The following IMPG1 variants were observed in gnomAD, a reference collection of about 807,000 sequenced individuals.
The protein encoded by IMPG1 is interphotoreceptor matrix proteoglycan 1, also known as interphotoreceptor matrix proteoglycan of 150 kDa.
In IMPG1, 85 loss-of-function variants were observed where a neutral mutation model predicts 92.0. The ratio of observed to expected loss-of-function variants is 0.92; its 90% CI spans 0.78 to 1.11. The LOEUF (loss-of-function observed/expected upper bound fraction) is 1.11. Among genes scored for constraint, IMPG1 ranks in the 50% least tolerant of loss-of-function variants. IMPG1 has a pLI of 0.00. For missense variants in IMPG1, 1,022 were observed against 956.0 expected (o/e 1.07, Z -0.91); for synonymous variants, 367 against 334.1 (o/e 1.10, Z -1.08).
At chr6:76,022,258 AT>A (rs1416256951) in intron 5 of IMPG1, 39 bp from the exon 6 acceptor site, 1 of 1,149,080 alleles carries the variant, frequency 8.7e-7, no homozygotes. Flanking sequence ...AAAAATGAGA[AT>A]GGAGGAGTTT....
intron 4 of IMPG1, among the ~76,000 whole-genome samples, chr6:76,026,627 C>G (rs1783541780): frequency 6.6e-6 from 1 of 152,230 alleles, no homozygotes; most frequent in Non-Finnish European, 1.5e-5. Context: ...GGGTTCAGCT[C>G]CATCGGACAG....
At chr6:76,027,129 A>G (rs1783555876) in intron 4 of IMPG1, among the ~76,000 whole-genome samples, 1 of 152,192 alleles carries the variant, frequency 6.6e-6, no homozygotes, top group Non-Finnish European at 1.5e-5. Flanking sequence ...ATGTGACTTT[A>G]CTCTTTAAGA....
At chr6:76,001,869 C>T (rs760667172) in intron 12 of IMPG1, among the ~76,000 whole-genome samples, 2 of 152,224 alleles carry the variant, frequency 1.3e-5, no homozygotes, top group African/African-American at 2.4e-5. Flanking sequence ...CATTTATTCA[C>T]TGATAATCAT....
chr6:76,016,133 T>C (rs1225547831), intron 7 of IMPG1, among the ~76,000 whole-genome samples: 1 of 152,250 alleles, frequency 6.6e-6, no homozygotes, highest in Non-Finnish European at 1.5e-5. Flanking sequence ...ATTATGTCTA[T>C]ACACAGCAGT....
chr6:75,987,441 C>T (rs929308730), intron 12 of IMPG1, among the ~76,000 whole-genome samples: 2 of 151,286 alleles, frequency 1.3e-5, no homozygotes, highest in Admixed American at 6.6e-5. Context: ...TCTACTAATG[C>T]TGTCCCTCCC....
At chr6:76,014,148 A>C (rs1223346229) in intron 7 of IMPG1, among the ~76,000 whole-genome samples, 1 of 152,218 alleles carries the variant, frequency 6.6e-6, no homozygotes, top group Non-Finnish European at 1.5e-5. Context: ...AACAATGACA[A>C]CTAATAAGTA....
At chr6:75,942,996 C>G (rs1036637839) in intron 14 of IMPG1, among the ~76,000 whole-genome samples, 1 of 152,030 alleles carries the variant, frequency 6.6e-6, no homozygotes, top group Admixed American at 6.5e-5. Flanking sequence ...TACGCAGATT[C>G]ATAGAATTAA....
At chr6:75,962,442 A>T (rs1007131447) in intron 12 of IMPG1, among the ~76,000 whole-genome samples, 7 of 152,130 alleles carry the variant, frequency 4.6e-5, no homozygotes, top group African/African-American at 1.7e-4. Context: ...TTCCAGCTTT[A>T]TTAAGGCATA....
intron 1 of IMPG1, among the ~76,000 whole-genome samples, chr6:76,059,492 C>G (rs1011151797): frequency 1.3e-5 from 2 of 151,930 alleles, no homozygotes; most frequent in Non-Finnish European, 2.9e-5. Flanking sequence ...ATTCTGAGAT[C>G]AGTTATGAAA....
chr6:76,029,754 C>G (rs1002204740), intron 4 of IMPG1, among the ~76,000 whole-genome samples: 9 of 152,026 alleles, frequency 5.9e-5, no homozygotes, highest in Non-Finnish European at 1.3e-4. Flanking sequence ...GAAGTAAAGA[C>G]CAAGGGAACT....
intron 12 of IMPG1, among the ~76,000 whole-genome samples, chr6:75,985,943 A>G (rs527490843): frequency 1.3e-5 from 2 of 152,314 alleles, no homozygotes; most frequent in Non-Finnish European, 2.9e-5. Flanking sequence ...GCCCATGTCA[A>G]CCCTTATAAA....
chr6:75,974,330 C>CTTTT (rs1782473966), intron 12 of IMPG1, among the ~76,000 whole-genome samples: 1 of 98,212 alleles, frequency 1.0e-5, no homozygotes, highest in East Asian at 3.1e-4. Context: ...TCTTTCTTTC[C>CTTTT]CTTTCTTTCT....
At chr6:75,989,370 T>C (rs1782776842) in intron 12 of IMPG1, among the ~76,000 whole-genome samples, 1 of 152,244 alleles carries the variant, frequency 6.6e-6, no homozygotes. Context: ...TGAGATACTC[T>C]GGCTTTCCAA....
At chr6:75,980,586 T>A (rs1782610841) in intron 12 of IMPG1, among the ~76,000 whole-genome samples, 1 of 152,204 alleles carries the variant, frequency 6.6e-6, no homozygotes, top group South Asian at 2.1e-4. Flanking sequence ...TGCTGAGGCT[T>A]CTAGCCTTCA....
intron 12 of IMPG1, among the ~76,000 whole-genome samples, chr6:75,952,220 C>G (rs964811032): frequency 1.8e-4 from 27 of 152,230 alleles, no homozygotes; most frequent in African/African-American, 6.0e-4. Flanking sequence ...ATTAAGTGAA[C>G]AAAACAGGGA....
chr6:75,994,231 T>C (rs1782861404), intron 12 of IMPG1, among the ~76,000 whole-genome samples: 1 of 152,146 alleles, frequency 6.6e-6, no homozygotes, highest in East Asian at 1.9e-4. Context: ...AACCTCTAAA[T>C]CAGGATGTGT....
chr6:76,007,761 C>A (rs1783122338), intron 8 of IMPG1, among the ~76,000 whole-genome samples: 1 of 152,150 alleles, frequency 6.6e-6, no homozygotes, highest in Admixed American at 6.6e-5. Context: ...CAAAGATTAT[C>A]TGCACTTTTG....
chr6:76,058,665 C>T (rs1175707075), intron 1 of IMPG1, among the ~76,000 whole-genome samples: 8 of 152,188 alleles, frequency 5.3e-5, no homozygotes, highest in Non-Finnish European at 1.0e-4. Flanking sequence ...GGAAATCATG[C>T]TGCAGGCTCA....
intron 6 of IMPG1, among the ~76,000 whole-genome samples, chr6:76,019,837 A>T (rs773266233): frequency 6.6e-6 from 1 of 152,202 alleles, no homozygotes; most frequent in African/African-American, 2.4e-5. Context: ...CTGTGAAATG[A>T]AATATTCTGG....
Sources: allele counts gnomAD v4.1 joint callset (sites outside exome capture counted in the v4.1 genomes callset), GRCh38; gene constraint gnomAD v4.1.1; transcripts MANE v1.5; gene names NCBI Gene and HGNC (gene_info 2026-07-23, HGNC 2026-07-21).